Variants in PAK1 observed in about 807,000 individuals in gnomAD.
PAK1 encodes serine/threonine-protein kinase PAK 1.
A neutral mutation model predicts 67.4 loss-of-function variants in PAK1; 29 were observed. The ratio of observed to expected loss-of-function variants is 0.43; its 90% CI spans 0.32 to 0.59. PAK1 has a LOEUF of 0.59. PAK1 is among the 20% of genes least tolerant of loss of function. The pLI, the probability that PAK1 is intolerant of heterozygous loss-of-function variation, is 0.07. For synonymous variants in PAK1, 223 were observed against 237.4 expected (o/e 0.94, Z 0.56); for missense variants, 337 against 670.7 (o/e 0.50, Z 5.50).
chr11:77,415,056 A>G (rs561541684), intron 1 of PAK1, among the ~76,000 whole-genome samples: 2 of 152,310 alleles, frequency 1.3e-5, no homozygotes, highest in East Asian at 3.9e-4. Context: ...AAAAAAAACA[A>G]CTGTGCAAAA....
chr11:77,455,726 A>G (rs975615797), intron 1 of PAK1, among the ~76,000 whole-genome samples: 1 of 152,256 alleles, frequency 6.6e-6, no homozygotes, highest in Non-Finnish European at 1.5e-5. Context: ...TATAATATTT[A>G]CTATCATATT....
At chr11:77,351,638 G>A (rs190226920) in intron 8 of PAK1, among the ~76,000 whole-genome samples, 1 of 151,590 alleles carries the variant, frequency 6.6e-6, no homozygotes, top group East Asian at 1.9e-4. Flanking sequence ...GTTGTTCTGA[G>A]GATTAAACAA....
At chr11:77,389,456 C>T (rs1056987100) in intron 2 of PAK1, among the ~76,000 whole-genome samples, 2 of 152,222 alleles carry the variant, frequency 1.3e-5, no homozygotes, top group Admixed American at 6.5e-5. Flanking sequence ...TCCACAGAGG[C>T]TGCACCATTT....
At chr11:77,528,501 C>T in the PAK1 span, among the ~76,000 whole-genome samples, 3 of 152,112 alleles carry the variant, frequency 2.0e-5, no homozygotes, top group African/African-American at 4.8e-5. Flanking sequence ...CATGCCATCA[C>T]GCCTGGCTAA....
intron 5 of PAK1, among the ~76,000 whole-genome samples, chr11:77,363,643 T>C (rs1200313617): frequency 2.0e-5 from 3 of 152,214 alleles, no homozygotes; most frequent in Non-Finnish European, 4.4e-5. Context: ...ATGCATCTTT[T>C]ATTACAGCCC....
At chr11:77,411,142 T>G (rs971849633) in intron 1 of PAK1, among the ~76,000 whole-genome samples, 6 of 152,050 alleles carry the variant, frequency 3.9e-5, no homozygotes, top group Non-Finnish European at 5.9e-5. Flanking sequence ...AAAGGCTGGC[T>G]GGAAGACAGG....
At chr11:77,388,152 G>A (rs1248002835) in intron 2 of PAK1, among the ~76,000 whole-genome samples, 1 of 152,208 alleles carries the variant, frequency 6.6e-6, no homozygotes, top group Non-Finnish European at 1.5e-5. Context: ...CTGCAGAGAT[G>A]CAGTTTTGAT....
intron 1 of PAK1, among the ~76,000 whole-genome samples, chr11:77,459,080 T>C (rs1957203033): frequency 6.6e-6 from 1 of 152,106 alleles, no homozygotes; most frequent in Non-Finnish European, 1.5e-5. Context: ...TAATATGATA[T>C]GAAATGGAAT....
intron 2 of PAK1, among the ~76,000 whole-genome samples, chr11:77,381,632 T>C (rs1949844872): frequency 6.6e-6 from 1 of 152,236 alleles, no homozygotes; most frequent in Non-Finnish European, 1.5e-5. Context: ...CAATATAGTA[T>C]TTTTCTTCAT....
In PAK1 at chr11:77,330,482, A is replaced by G. The variant is rs184264609; in HGVS notation, c.1551+2248T>C. Among the ~76,000 whole-genome samples, 236 of 152,310 alleles carry G rather than the reference A, an allele frequency of 1.5e-3. 3 individuals carry two copies. Among genetic ancestry groups the G allele is most frequent in the African/African-American group, 5.5e-3 (229 of 41,556 alleles). ...ACAGAGCCCTCAGAAATAACGCCGC[A>G]TATCTACAACTATCTGATCTTTGAC... On this transcript the variant is annotated intron_variant, in intron 14 of 14. Coordinates refer to ENST00000356341, the MANE Select transcript of PAK1 (RefSeq NM_002576.5).
At chr11:77,483,691 G>C in the PAK1 span, among the ~76,000 whole-genome samples, 222 of 152,330 alleles carry the variant, frequency 1.5e-3, no homozygotes, top group Non-Finnish European at 2.5e-3. Context: ...TTTCTGGTAT[G>C]TAAATTATAC....
chr11:77,458,857 TAA>T (rs1957194569), intron 1 of PAK1, among the ~76,000 whole-genome samples: 1 of 152,182 alleles, frequency 6.6e-6, no homozygotes, highest in Admixed American at 6.5e-5. Flanking sequence ...AAATATGTAT[TAA>T]GAGCCTACTA....
intron 7 of PAK1, among the ~76,000 whole-genome samples, chr11:77,354,219 G>T (rs1008264234): frequency 7.2e-5 from 11 of 152,076 alleles, no homozygotes; most frequent in African/African-American, 2.7e-4. Context: ...TTTAGAGATG[G>T]AGAAATTGAG....
chr11:77,378,606 T>G (rs557484), intron 4 of PAK1, among the ~76,000 whole-genome samples: 32,243 of 152,092 alleles, frequency 0.21, 4,541 homozygotes, highest in Non-Finnish European at 0.31. Flanking sequence ...CTCTTTTTTT[T>G]GAGACAGGGT....
At chr11:77,493,049 A>G in the PAK1 span, among the ~76,000 whole-genome samples, 3 of 152,244 alleles carry the variant, frequency 2.0e-5, no homozygotes, top group Middle Eastern at 3.4e-3. Context: ...CTTTATAGCA[A>G]TGCGAGAATG....
intron 1 of PAK1, among the ~76,000 whole-genome samples, chr11:77,458,792 G>C (rs1957191845): frequency 6.6e-6 from 1 of 152,138 alleles, no homozygotes; most frequent in East Asian, 1.9e-4. Context: ...AAGAAAGTTT[G>C]ATGAATATAT....
chr11:77,498,267 C>A, the PAK1 span, among the ~76,000 whole-genome samples: 1 of 152,130 alleles, frequency 6.6e-6, no homozygotes, highest in African/African-American at 2.4e-5. Context: ...TCTGAACTAT[C>A]GTTCTATGCT....
chr11:77,460,006 C>G (rs544475751), intron 1 of PAK1, among the ~76,000 whole-genome samples: 2 of 152,054 alleles, frequency 1.3e-5, no homozygotes, highest in South Asian at 2.1e-4. Flanking sequence ...TGGGGCTCTT[C>G]TTTAGATTAG....
the PAK1 span, among the ~76,000 whole-genome samples, chr11:77,500,713 G>A: frequency 2.0e-5 from 3 of 152,142 alleles, no homozygotes; most frequent in Non-Finnish European, 4.4e-5. Flanking sequence ...GTGTGATGAT[G>A]CATGCCTGTG....
Sources: allele counts gnomAD v4.1 joint callset (sites outside exome capture counted in the v4.1 genomes callset), GRCh38; gene constraint gnomAD v4.1.1; transcripts MANE v1.5; gene names NCBI Gene and HGNC (gene_info 2026-07-23, HGNC 2026-07-21).